DYNC1I1: variants seen among roughly 807,000 people sequenced by gnomAD.
DYNC1I1 encodes cytoplasmic dynein 1 intermediate chain 1.
A neutral mutation model predicts 86.6 loss-of-function variants in DYNC1I1; 43 were observed. That is an observed-to-expected ratio of 0.50 (90% CI 0.39 to 0.64). The LOEUF is 0.64. Ranked by LOEUF, DYNC1I1 falls within the 30% of genes least tolerant of loss-of-function variation. The pLI, the probability that DYNC1I1 is intolerant of heterozygous loss-of-function variation, is 0.00. For missense variants in DYNC1I1, 604 were observed against 788.8 expected, an observed-to-expected ratio of 0.77 and a Z score of 2.81; for synonymous variants, 262 against 283.7, an observed-to-expected ratio of 0.92 and a Z score of 0.77.
intron 4 of DYNC1I1, among the ~76,000 whole-genome samples, 161 bp from the exon 5 acceptor site, chr7:95,827,894 CTT>C (rs1211015663): frequency 3.3e-5 from 5 of 152,012 alleles, no homozygotes; most frequent in African/African-American, 4.8e-5. Context: ...CTCGATTTCT[CTT>C]GTTTGATAGT....
At chr7:95,784,474 C>G (rs1411800375) in intron 1 of DYNC1I1, among the ~76,000 whole-genome samples, 1 of 152,076 alleles carries the variant, frequency 6.6e-6, no homozygotes, top group Non-Finnish European at 1.5e-5. Flanking sequence ...ACCTTCTCTC[C>G]CCTCTGTTTT....
intron 6 of DYNC1I1, among the ~76,000 whole-genome samples, chr7:95,922,474 G>T (rs1168113008): frequency 6.6e-6 from 1 of 152,032 alleles, no homozygotes. Flanking sequence ...TCCATGTGTG[G>T]CATTTACCAT....
intron 6 of DYNC1I1, among the ~76,000 whole-genome samples, chr7:95,946,178 G>C (rs926701451): frequency 1.3e-5 from 2 of 152,092 alleles, no homozygotes; most frequent in South Asian, 4.2e-4. Flanking sequence ...GAGAGCATCA[G>C]GATAAATAGC....
intron 16 of DYNC1I1, among the ~76,000 whole-genome samples, chr7:96,087,231 G>A (rs11981731): frequency 2.6e-5 from 4 of 152,118 alleles, no homozygotes; most frequent in Admixed American, 6.6e-5. Context: ...GTGGGCATAC[G>A]AAACACAAAA....
At chr7:95,857,457 A>G (rs1789755434) in intron 5 of DYNC1I1, among the ~76,000 whole-genome samples, 1 of 152,164 alleles carries the variant, frequency 6.6e-6, no homozygotes, top group Admixed American at 6.5e-5. Flanking sequence ...TGGCATTGCA[A>G]TTCAGGAGGG....
At chr7:96,024,081 C>T (rs540001294) in intron 10 of DYNC1I1, among the ~76,000 whole-genome samples, 3 of 152,244 alleles carry the variant, frequency 2.0e-5, no homozygotes, top group South Asian at 2.1e-4. Context: ...ATGAGCTCAT[C>T]GTATTTCTGA....
intron 10 of DYNC1I1, among the ~76,000 whole-genome samples, chr7:96,019,158 AC>A (rs1168309629): frequency 6.6e-6 from 1 of 152,190 alleles, no homozygotes; most frequent in Non-Finnish European, 1.5e-5. Flanking sequence ...TTTAATATAC[AC>A]ATCATTCTTT....
In DYNC1I1 at chr7:95,872,077, G is replaced by T. The variant is rs1017484215; in HGVS notation, c.490+2079G>T. 9.2e-5 allele frequency among the ~76,000 whole-genome samples: 14 copies of T among 152,212 alleles called. 1 individual carries two copies. ...TCACCCGGCTGCCCGGCCATAGAGGGTGCTGGTGCTCACTTTCACCTGCTG... is the reference window on the plus strand; with the variant it reads ...TCACCCGGCTGCCCGGCCATAGAGGTTGCTGGTGCTCACTTTCACCTGCTG... On this transcript the variant is annotated intron_variant, in intron 6 of 16. Transcript: ENST00000447467.
chr7:95,991,095 T>C (rs1357934662), intron 9 of DYNC1I1, among the ~76,000 whole-genome samples: 1 of 152,074 alleles, frequency 6.6e-6, no homozygotes, highest in African/African-American at 2.4e-5. Flanking sequence ...AAGTGTCTGG[T>C]GCATAAGAAG....
chr7:96,061,796 T>A (rs1789787178), intron 14 of DYNC1I1, among the ~76,000 whole-genome samples: 1 of 150,734 alleles, frequency 6.6e-6, no homozygotes, highest in Non-Finnish European at 1.5e-5. Context: ...GAATTTAAAA[T>A]CTCAGCTAAT....
chr7:95,778,840 T>C (rs1034326235), intron 1 of DYNC1I1, among the ~76,000 whole-genome samples: 18 of 152,084 alleles, frequency 1.2e-4, no homozygotes, highest in African/African-American at 3.6e-4. Flanking sequence ...AAAAATTTTT[T>C]TTTTCATAGG....
intron 14 of DYNC1I1, among the ~76,000 whole-genome samples, chr7:96,039,848 T>G (rs1169884142): frequency 6.6e-6 from 1 of 151,972 alleles, no homozygotes; most frequent in Non-Finnish European, 1.5e-5. Flanking sequence ...GGACTTGGGT[T>G]TTTTTTTGTT....
chr7:95,954,915 CAAAAAAA>C (rs58435060), intron 6 of DYNC1I1, among the ~76,000 whole-genome samples: 12 of 81,860 alleles, frequency 1.5e-4, no homozygotes, highest in East Asian at 8.5e-4. Flanking sequence ...GACTCTGTCT[CAAAAAAA>C]AAAAAAAAAA....
At chr7:95,956,782 T>A (rs1279938098) in intron 6 of DYNC1I1, among the ~76,000 whole-genome samples, 1 of 152,226 alleles carries the variant, frequency 6.6e-6, no homozygotes, top group Admixed American at 6.5e-5. Flanking sequence ...CAGTCTATCA[T>A]TGATGGGCAT....
intron 14 of DYNC1I1, 63 bp from the exon 15 acceptor site, chr7:96,075,994 C>T (rs1790324108): frequency 1.3e-6 from 2 of 1,560,854 alleles, no homozygotes; most frequent in Non-Finnish European, 1.7e-6. Flanking sequence ...TTTAATTAGG[C>T]TCTCTAGACA....
intron 7 of DYNC1I1, 89 bp downstream of exon 7, chr7:95,977,690 A>G (rs1793344355): frequency 8.1e-7 from 1 of 1,233,570 alleles, no homozygotes. Flanking sequence ...GCTAAGTAAA[A>G]ATTGAATTTG....
chr7:95,776,464 C>A (rs1793843212), intron 1 of DYNC1I1, among the ~76,000 whole-genome samples: 1 of 152,022 alleles, frequency 6.6e-6, no homozygotes. Flanking sequence ...GTCATTGAAC[C>A]CACTAAAATT....
Position 95,804,785 on chromosome 7 carries a change from C to G in DYNC1I1, c.56C>G (p.Ala19Gly). The G allele has an allele frequency of 6.3e-7, 1 of 1,589,754 alleles. No individual in the cohort carries two copies. The highest frequency in any genetic ancestry group is 1.1e-5 in the South Asian group (1 of 87,922). ...CTAGAGCGCAAAAAGCAGCGCTTAG[C>G]ACAGATAAGAGAAGAGAAGAAACGG... ...AELERKKQRL[A>G]QIREEKKRKE... is the part of the protein sequence containing the mutation. The change falls in exon 2 of 17, where the codon GCA becomes GGA. Residue 19 changes from alanine to glycine, a missense_variant. Transcript: ENST00000447467.
chr7:96,032,024 T>A (rs139668968), intron 11 of DYNC1I1, among the ~76,000 whole-genome samples: 105 of 152,280 alleles, frequency 6.9e-4, no homozygotes, highest in African/African-American at 2.3e-3. Context: ...GCCTCTATAC[T>A]ACTGCAAACG....
Sources: gnomAD v4.1 joint callset for allele counts (sites outside exome capture counted in the v4.1 genomes callset) on GRCh38, gnomAD v4.1.1 for gene constraint, MANE v1.5 for transcripts, NCBI Gene and HGNC (gene_info 2026-07-23, HGNC 2026-07-21) for gene names.